PARD3: variants seen among roughly 807,000 people sequenced by gnomAD.
The protein encoded by PARD3 is partitioning defective 3 homolog.
Under a neutral mutation model 155.4 loss-of-function variants are expected in PARD3, and 75 were observed. That is an observed-to-expected ratio of 0.48 (90% CI 0.40 to 0.58). PARD3 has a LOEUF of 0.58. Ranked by LOEUF, PARD3 falls within the 20% of genes least tolerant of loss-of-function variation. PARD3 has a pLI of 0.00. For synonymous variants in PARD3, 576 were observed against 610.5 expected, an observed-to-expected ratio of 0.94 and a Z score of 0.83; for missense variants, 1,642 against 1,721.7, an observed-to-expected ratio of 0.95 and a Z score of 0.82.
chr10:34,556,964 A>C (rs1380740184), intron 2 of PARD3, among the ~76,000 whole-genome samples: 1 of 152,144 alleles, frequency 6.6e-6, no homozygotes, highest in South Asian at 2.1e-4. Context: ...GCCAGGTGAG[A>C]TGTCCTGTCC....
chr10:34,696,200 G>A (rs1390067385), intron 2 of PARD3, 118 bp downstream of exon 2: 3 of 641,972 alleles, frequency 4.7e-6, no homozygotes, highest in African/African-American at 3.6e-5. Flanking sequence ...TAGAGTGGGT[G>A]GCCCACACAT....
chr10:34,130,859 G>A (rs1416859773), intron 23 of PARD3, among the ~76,000 whole-genome samples: 2 of 152,134 alleles, frequency 1.3e-5, no homozygotes, highest in African/African-American at 2.4e-5. Flanking sequence ...CTAGGAATTT[G>A]AGACCAGCCT....
At chr10:34,812,346 A>T (rs1269626005) in intron 1 of PARD3, among the ~76,000 whole-genome samples, 1 of 152,172 alleles carries the variant, frequency 6.6e-6, no homozygotes, top group Non-Finnish European at 1.5e-5. Flanking sequence ...ATCAAGCCAC[A>T]TGTCACCTAG....
chr10:34,235,235 C>T (rs1953153461), intron 22 of PARD3, among the ~76,000 whole-genome samples: 1 of 152,124 alleles, frequency 6.6e-6, no homozygotes. Flanking sequence ...ATAAAAGCTT[C>T]TTAAATTACT....
At chr10:34,636,213 C>G (rs1224014959) in intron 2 of PARD3, among the ~76,000 whole-genome samples, 1 of 152,092 alleles carries the variant, frequency 6.6e-6, no homozygotes, top group African/African-American at 2.4e-5. Context: ...CAGTTTAAAC[C>G]AAACCAGGGC....
chr10:34,270,033 A>G, intron 21 of PARD3, 134 bp from the exon 22 acceptor site: 2 of 813,960 alleles, frequency 2.5e-6, no homozygotes, highest in Non-Finnish European at 3.8e-6. Flanking sequence ...GGTATAAATG[A>G]CAGGTCATAC....
intron 1 of PARD3, among the ~76,000 whole-genome samples, chr10:34,709,015 CACATATATGT>C (rs951787324): frequency 4.2e-4 from 64 of 152,174 alleles, no homozygotes; most frequent in Middle Eastern, 3.4e-3. Flanking sequence ...TACACACGTA[CACATATATGT>C]ACATGTGCAC....
At chr10:34,176,318 CT>C (rs1238729576) in intron 22 of PARD3, among the ~76,000 whole-genome samples, 2 of 152,082 alleles carry the variant, frequency 1.3e-5, no homozygotes, top group African/African-American at 4.8e-5. Flanking sequence ...AAAGGAGAGA[CT>C]TTAAGTCTAA....
At chr10:34,159,263 T>C (rs1949158167) in intron 22 of PARD3, among the ~76,000 whole-genome samples, 1 of 152,198 alleles carries the variant, frequency 6.6e-6, no homozygotes, top group Admixed American at 6.5e-5. Context: ...GTTATACGTG[T>C]TCTCTTTAGC....
chr10:34,410,000 G>T (rs1844887522), intron 5 of PARD3, among the ~76,000 whole-genome samples: 1 of 152,120 alleles, frequency 6.6e-6, no homozygotes, highest in South Asian at 2.1e-4. Flanking sequence ...TAAACTGTGG[G>T]AAATAATAGT....
At chr10:34,213,257 A>C (rs1412674504) in intron 22 of PARD3, among the ~76,000 whole-genome samples, 1 of 152,196 alleles carries the variant, frequency 6.6e-6, no homozygotes, top group Non-Finnish European at 1.5e-5. Context: ...GAGAGAAAGC[A>C]AGAAAGAGAA....
chr10:34,501,532 T>A (rs547838107), intron 3 of PARD3, among the ~76,000 whole-genome samples: 2 of 152,316 alleles, frequency 1.3e-5, no homozygotes, highest in South Asian at 4.1e-4. Flanking sequence ...ATACACTCAC[T>A]AGATCATTAC....
intron 2 of PARD3, among the ~76,000 whole-genome samples, chr10:34,676,887 T>C (rs938306083): frequency 1.2e-4 from 19 of 152,362 alleles, no homozygotes; most frequent in African/African-American, 4.6e-4. Context: ...ACAATACTTT[T>C]AGGCAGTCTC....
chr10:34,625,017 C>T (rs914249965), intron 2 of PARD3, among the ~76,000 whole-genome samples: 3 of 152,184 alleles, frequency 2.0e-5, no homozygotes, highest in African/African-American at 7.2e-5. Flanking sequence ...TCACGGAGCC[C>T]TCAGCCCTGG....
chr10:34,640,730 A>AAAAAAAAAAAAAAAAAC (rs1174647212), intron 2 of PARD3, among the ~76,000 whole-genome samples: 1 of 143,680 alleles, frequency 7.0e-6, no homozygotes, highest in Non-Finnish European at 1.5e-5. Context: ...AAAAAAAAAA[A>AAAAAAAAAAAAAAAAAC]AAAAAAGCAC....
At chr10:34,478,344 C>T (rs1023240197) in intron 3 of PARD3, among the ~76,000 whole-genome samples, 1 of 152,112 alleles carries the variant, frequency 6.6e-6, no homozygotes, top group East Asian at 1.9e-4. Flanking sequence ...TGACTCTGTG[C>T]AATTCAGATC....
chr10:34,765,781 T>C (rs1462340487), intron 1 of PARD3, among the ~76,000 whole-genome samples: 7 of 152,162 alleles, frequency 4.6e-5, no homozygotes, highest in Non-Finnish European at 5.9e-5. Context: ...ACCTTAATGG[T>C]AGTATTAAAG....
chr10:34,499,413 C>T (rs1457107056), intron 3 of PARD3, among the ~76,000 whole-genome samples: 1 of 152,010 alleles, frequency 6.6e-6, no homozygotes, highest in Non-Finnish European at 1.5e-5. Context: ...CAAGCATATA[C>T]CAGGTGAGGA....
intron 3 of PARD3, among the ~76,000 whole-genome samples, chr10:34,491,595 A>C (rs919085885): frequency 6.6e-6 from 1 of 152,244 alleles, no homozygotes; most frequent in Non-Finnish European, 1.5e-5. Context: ...ATTTAGAACT[A>C]GCTCACTGTG....
Sources: gnomAD v4.1 joint callset for allele counts (sites outside exome capture counted in the v4.1 genomes callset) on GRCh38, gnomAD v4.1.1 for gene constraint, MANE v1.5 for transcripts, NCBI Gene and HGNC (gene_info 2026-07-23, HGNC 2026-07-21) for gene names.